The following HGF variants were observed in gnomAD, a reference collection of about 807,000 sequenced individuals.
The protein encoded by HGF is fibroblast-derived tumor cytotoxic factor.
HGF carries 39 observed loss-of-function variants against 111.6 expected under a neutral mutation model. The observed-to-expected ratio is 0.35, with a 90% CI of 0.27 to 0.46. The LOEUF (loss-of-function observed/expected upper bound fraction) is 0.46. HGF is among the 20% of genes least tolerant of loss of function. The probability of loss-of-function intolerance (pLI) is 1.00; values close to 1 mark genes in which losing one functional copy is unlikely to be tolerated. For missense variants in HGF, 735 were observed against 910.5 expected (o/e 0.81, Z 2.48); for synonymous variants, 285 against 294.8 (o/e 0.97, Z 0.34).
intron 7 of HGF, among the ~76,000 whole-genome samples, chr7:81,730,794 T>C (rs1315716430): frequency 1.3e-5 from 2 of 152,210 alleles, no homozygotes; most frequent in Non-Finnish European, 2.9e-5. Context: ...TTGATAAAAG[T>C]GTAAACTTCC....
chr7:81,763,030 T>A (rs1405041273), intron 1 of HGF, 158 bp from the exon 2 acceptor site: 1 of 606,296 alleles, frequency 1.6e-6, no homozygotes, highest in Non-Finnish European at 2.9e-6. Context: ...TAGGGAATAG[T>A]TAAGAGAAAG....
At position 81,757,181 on chromosome 7, in the gene HGF, G is replaced by C. The variant is rs1788817861; in HGVS notation, c.482+8C>G. The stretch of plus-strand genomic sequence containing the variant: ...AGGCTTCATCTCTTTTCTTCATACT[G>C]TTCTTACCTGTGTTCGTGTGGTATC... On this transcript the variant is annotated splice_region_variant and intron_variant, in intron 4 of 17. Coordinates refer to ENST00000222390, the MANE Select transcript of HGF (RefSeq NM_000601.6). 7.3e-7 allele frequency: 1 copy of C among 1,364,964 alleles called. No individual in the cohort carries two copies. The highest frequency in any genetic ancestry group is 1.0e-6 in the Non-Finnish European group (1 of 952,694). The allele number at this position is 1,364,964 out of a possible 1,614,324, so 84.6% of individuals were successfully genotyped here.
intron 4 of HGF, chr7:81,755,145 T>C (rs1788697774): frequency 6.6e-6 from 1 of 152,112 alleles, no homozygotes; most frequent in South Asian, 2.1e-4. Flanking sequence ...GATACAGATG[T>C]AGATATCAGG....
intron 8 of HGF, among the ~76,000 whole-genome samples, chr7:81,726,272 T>C (rs1008999702): frequency 8.5e-5 from 13 of 152,282 alleles, no homozygotes; most frequent in African/African-American, 2.6e-4. Flanking sequence ...ACATTACTGC[T>C]TCATAAAAGA....
intron 5 of HGF, among the ~76,000 whole-genome samples, chr7:81,749,318 A>G (rs1216970704): frequency 1.3e-5 from 2 of 152,130 alleles, no homozygotes; most frequent in African/African-American, 2.4e-5. Context: ...ATCTGTTCCA[A>G]TGACCAATGA....
intron 5 of HGF, chr7:81,750,832 A>G (rs1203132334): frequency 1.9e-5 from 8 of 421,006 alleles, no homozygotes; most frequent in African/African-American, 4.3e-5. Flanking sequence ...TTTTTCTTCC[A>G]TGTGCAAGTT....
rs1027911636 is a variant in HGF, at chr7:81,762,893, T to A, written c.89-21A>T. 3 of 1,348,550 alleles carry A rather than the reference T, an allele frequency of 2.2e-6. No individual in the cohort carries two copies. In the Admixed American group the frequency reaches 5.4e-5, roughly 24 times the overall value. The allele number at this position is 1,348,550 out of a possible 1,614,324, so 83.5% of individuals were successfully genotyped here. On this transcript the variant is annotated intron_variant, in intron 1 of 17. Coordinates refer to ENST00000222390, the MANE Select transcript of HGF (RefSeq NM_000601.6). ...TCCCTCTATTAAATACAAAATGTTT[T>A]AAAAAAATAAACATTGGAGAAATGT... is the stretch of plus-strand genomic sequence containing the variant.
intron 5 of HGF, among the ~76,000 whole-genome samples, chr7:81,747,092 A>C (rs1197493203): frequency 6.6e-6 from 1 of 152,116 alleles, no homozygotes; most frequent in Non-Finnish European, 1.5e-5. Flanking sequence ...TAATCCCAGC[A>C]CTTTGGGAGG....
chr7:81,741,169 A>G (rs752702034), intron 7 of HGF, among the ~76,000 whole-genome samples: 4 of 152,148 alleles, frequency 2.6e-5, no homozygotes, highest in Admixed American at 6.5e-5. Context: ...TCTCTTTCAT[A>G]TATGTATTTT....
chr7:81,742,694 G>T, intron 7 of HGF: 1 of 1,371,806 alleles, frequency 7.3e-7, no homozygotes, highest in Non-Finnish European at 9.4e-7. Flanking sequence ...TATAAAACAC[G>T]TTAAAAAATA....
chr7:81,743,611 G>T (rs752160935), intron 6 of HGF, 140 bp from the exon 7 acceptor site: 13 of 734,070 alleles, frequency 1.8e-5, no homozygotes, highest in Non-Finnish European at 3.3e-5. Context: ...TGCCTTACGA[G>T]GACTGCTGAT....
In HGF at chr7:81,743,386, T is replaced by C. The variant is rs754578668; in HGVS notation, c.832A>G (p.Thr278Ala). ...RPWCYTLDPHTRWEYCAIKTC... is the reference protein window; with the variant it reads ...RPWCYTLDPHARWEYCAIKTC... ...TTAATTGCACAGTACTCCCAGCGGG[T>C]GTGAGGGTCAAGAGTATAGCACCAT... The change falls in exon 7 of 18, where the codon ACC (threonine) becomes GCC (alanine). Residue 278 changes from threonine to alanine, a missense_variant. By Grantham distance (58) the Thr-to-Ala change is moderately conservative. This residue lies in a region of HGF where 553 missense variants were observed against 685.6 expected (regional missense o/e 0.81). Coordinates refer to ENST00000222390, the MANE Select transcript of HGF (RefSeq NM_000601.6). The C allele has an allele frequency of 6.2e-7, 1 of 1,611,524 alleles. No homozygotes were observed. Among genetic ancestry groups the C allele is most frequent in the Non-Finnish European group, 8.5e-7 (1 of 1,177,740 alleles).
intron 14 of HGF, 24 bp from the exon 15 acceptor site, chr7:81,706,451 A>C: frequency 6.3e-7 from 1 of 1,580,786 alleles, no homozygotes; most frequent in Non-Finnish European, 8.7e-7. Flanking sequence ...AAAAAATTTA[A>C]ATGTAAAACA....
intron 17 of HGF, among the ~76,000 whole-genome samples, chr7:81,704,376 G>C (rs776148428): frequency 1.4e-4 from 21 of 151,540 alleles, no homozygotes; most frequent in Non-Finnish European, 2.8e-4. Context: ...GATGCTTATT[G>C]CTTTTTCTTT....
At chr7:81,763,116 G>C in intron 1 of HGF, 1 of 469,246 alleles carries the variant, frequency 2.1e-6, no homozygotes, top group South Asian at 2.7e-5. Context: ...TCAAATTAAG[G>C]AGCTTTTAAA....
intron 13 of HGF, among the ~76,000 whole-genome samples, chr7:81,708,512 C>A (rs1789486807): frequency 8.3e-6 from 1 of 120,124 alleles, no homozygotes. Flanking sequence ...AAAGATTTCT[C>A]CTTCCTTCCT....
At position 81,699,320 on chromosome 7, in the gene HGF, G is replaced by T. The variant is rs1402245957; in HGVS notation, c.*3261C>A. The T allele has an allele frequency of 4.6e-5, 7 of 151,332 alleles. No homozygotes were observed. Among genetic ancestry groups the T allele is most frequent in the African/African-American group, 1.7e-4 (7 of 41,356 alleles). 9.4% of individuals were successfully genotyped at this position (151,332 alleles called of 1,614,324 possible). On this transcript the variant is annotated 3_prime_UTR_variant, in exon 18 of 18. Transcript: ENST00000222390. ...GGTCCAAAAAATTTTAACTTTTTTT[G>T]TATTAGTAAATTCTTAGCTCCAACC...
intron 14 of HGF, among the ~76,000 whole-genome samples, chr7:81,707,013 G>A (rs922761098): frequency 1.3e-5 from 2 of 151,878 alleles, no homozygotes; most frequent in African/African-American, 2.4e-5. Flanking sequence ...CAGGGTACAA[G>A]TAGAAAGTTG....
chr7:81,728,714 CAT>C (rs1281323302), intron 8 of HGF, among the ~76,000 whole-genome samples: 2 of 152,346 alleles, frequency 1.3e-5, no homozygotes, highest in Non-Finnish European at 2.9e-5. Flanking sequence ...CACACACACA[CAT>C]ACAACACAAA....
Sources: allele counts gnomAD v4.1 joint callset (sites outside exome capture counted in the v4.1 genomes callset), GRCh38; gene constraint gnomAD v4.1.1; regional missense constraint gnomAD v4.1.1; transcripts MANE v1.5; gene names NCBI Gene and HGNC (gene_info 2026-07-23, HGNC 2026-07-21).